BLK: variants seen among roughly 807,000 people sequenced by gnomAD.
BLK encodes the protein BLK proto-oncogene, Src family tyrosine kinase.
A neutral mutation model predicts 61.8 loss-of-function variants in BLK; 64 were observed. The ratio of observed to expected loss-of-function variants is 1.03; its 90% CI spans 0.85 to 1.27. BLK has a LOEUF of 1.27. BLK is among the 50% of genes most tolerant of loss of function. The pLI, the probability that BLK is intolerant of heterozygous loss-of-function variation, is 0.00. For synonymous variants in BLK, 351 were observed against 272.0 expected, an observed-to-expected ratio of 1.29 and a Z score of -2.86; for missense variants, 853 against 660.5, an observed-to-expected ratio of 1.29 and a Z score of -3.19.
chr8:11,530,193 C>A, intron 1 of BLK, among the ~76,000 whole-genome samples: 1 of 152,114 alleles, frequency 6.6e-6, no homozygotes, highest in East Asian at 1.9e-4. Context: ...TAAGGAATCT[C>A]AGATTAGACC....
chr8:11,556,366 G>A (rs1801223216), intron 8 of BLK: 1 of 463,268 alleles, frequency 2.2e-6, no homozygotes, highest in African/African-American at 2.0e-5. Flanking sequence ...GGGAGGGGTG[G>A]GGGAAGGACA....
chr8:11,539,645 A>G (rs149795720), intron 1 of BLK, among the ~76,000 whole-genome samples: 1 of 152,318 alleles, frequency 6.6e-6, no homozygotes, highest in East Asian at 1.9e-4. Context: ...TGCTTCTTCC[A>G]ATAATATTTC....
chr8:11,563,960 C>A lies in BLK; in HGVS notation c.1370C>A (p.Pro457His). 1 of 1,606,818 alleles carries A rather than the reference C, an allele frequency of 6.2e-7. No homozygotes were observed. ...GAGCGCGGCTACCGCATGCCGCGCCCCGACACCTGCCCGCCCGAGCTGTAC... is the reference window on the plus strand; with the variant it reads ...GAGCGCGGCTACCGCATGCCGCGCCACGACACCTGCCCGCCCGAGCTGTAC... ...NLERGYRMPRPDTCPPELYRG... is the reference protein window; with the variant it reads ...NLERGYRMPRHDTCPPELYRG... Residue 457 changes from proline (P) to histidine (H), a missense_variant, in exon 13 of 13, where the codon CCC becomes CAC. Coordinates refer to ENST00000259089, the MANE Select transcript of BLK (RefSeq NM_001715.3).
intron 1 of BLK, among the ~76,000 whole-genome samples, chr8:11,495,852 T>A (rs2117222085): frequency 6.6e-6 from 1 of 152,304 alleles, no homozygotes; most frequent in Non-Finnish European, 1.5e-5. Context: ...TGTACCATGG[T>A]TACGTAAGGT....
At chr8:11,508,199 T>C (rs1302387718) in intron 1 of BLK, among the ~76,000 whole-genome samples, 3 of 152,172 alleles carry the variant, frequency 2.0e-5, no homozygotes, top group South Asian at 2.1e-4. Context: ...AACCACCGCC[T>C]CTGCCACTAC....
At chr8:11,497,090 G>T (rs1013780249) in intron 1 of BLK, among the ~76,000 whole-genome samples, 1 of 152,114 alleles carries the variant, frequency 6.6e-6, no homozygotes, top group Non-Finnish European at 1.5e-5. Context: ...GTGATGCTGC[G>T]CCTGATTAGA....
chr8:11,548,966 C>T, intron 4 of BLK, 58 bp from the exon 5 acceptor site: 2 of 1,465,960 alleles, frequency 1.4e-6, no homozygotes. Context: ...CTGAGAGCTG[C>T]CCAGTGACGG....
At chr8:11,543,479 G>T in intron 2 of BLK, 132 bp downstream of exon 2, 2 of 1,300,422 alleles carry the variant, frequency 1.5e-6, no homozygotes, top group South Asian at 2.7e-5. Context: ...GTATAAGCAG[G>T]TGTGCCATGC....
Position 11,564,476 on chromosome 8 carries a change from G to A in BLK, c.*368G>A, listed in dbSNP as rs571672600. On this transcript the variant is annotated 3_prime_UTR_variant, in exon 13 of 13. Transcript: ENST00000259089. ...GCGTCCCCGCCTCTGCGCCCTGCGTGGACCCCGCCCTGCCCCGCTACAGAA... is the reference window on the plus strand; with the variant it reads ...GCGTCCCCGCCTCTGCGCCCTGCGTAGACCCCGCCCTGCCCCGCTACAGAA... 3 of 530,652 alleles carry A rather than the reference G, an allele frequency of 5.7e-6. No homozygotes were observed. Among genetic ancestry groups the A allele is most frequent in the Admixed American group, 2.2e-5 (1 of 44,512 alleles). The allele number at this position is 530,652 out of a possible 1,614,324, so 32.9% of individuals were successfully genotyped here.
At chr8:11,520,372 G>C (rs1252847553) in intron 1 of BLK, among the ~76,000 whole-genome samples, 1 of 150,614 alleles carries the variant, frequency 6.6e-6, no homozygotes, top group Non-Finnish European at 1.5e-5. Flanking sequence ...AGCTACTTGG[G>C]AGGTTGAGGT....
At chr8:11,507,417 G>C (rs1299072205) in intron 1 of BLK, among the ~76,000 whole-genome samples, 1 of 152,228 alleles carries the variant, frequency 6.6e-6, no homozygotes, top group Non-Finnish European at 1.5e-5. Flanking sequence ...CCCAGGGGAC[G>C]GGCCTGTCAT....
chr8:11,525,347 C>G (rs1305105759), intron 1 of BLK, among the ~76,000 whole-genome samples: 1 of 152,170 alleles, frequency 6.6e-6, no homozygotes, highest in Non-Finnish European at 1.5e-5. Flanking sequence ...GAATTTCAGT[C>G]CCCAGAAGTC....
intron 2 of BLK, among the ~76,000 whole-genome samples, chr8:11,545,107 C>T (rs7017990): frequency 2.4e-4 from 36 of 152,314 alleles, no homozygotes; most frequent in African/African-American, 7.7e-4. Context: ...AGCGCATATG[C>T]TTCTGAGACT....
At chr8:11,548,206 C>T (rs1282906103) in intron 4 of BLK, 81 bp downstream of exon 4, 4 of 1,223,674 alleles carry the variant, frequency 3.3e-6, no homozygotes, top group Non-Finnish European at 4.8e-6. Flanking sequence ...ACCACATCCT[C>T]CATGGCTGAC....
chr8:11,533,865 A>G (rs868748352), intron 1 of BLK, among the ~76,000 whole-genome samples: 1 of 152,278 alleles, frequency 6.6e-6, no homozygotes, highest in African/African-American at 2.4e-5. Flanking sequence ...GAAATAATTC[A>G]TTTCATGGAG....
intron 10 of BLK, chr8:11,560,809 T>A (rs1425552208): frequency 2.2e-6 from 1 of 455,804 alleles, no homozygotes; most frequent in South Asian, 1.5e-5. Context: ...TCCCTCATGT[T>A]CCATGTCAGG....
intron 1 of BLK, among the ~76,000 whole-genome samples, chr8:11,519,102 T>C (rs1030062653): frequency 7.2e-5 from 11 of 152,206 alleles, no homozygotes; most frequent in Non-Finnish European, 1.5e-4. Context: ...CCTCCCTGCA[T>C]CAACTAGAAT....
At chr8:11,561,114 C>T (rs1176266545) in intron 10 of BLK, 188 bp from the exon 11 acceptor site, 11 of 813,168 alleles carry the variant, frequency 1.4e-5, no homozygotes, top group Middle Eastern at 2.2e-4. Flanking sequence ...CACGTTGCTG[C>T]GTTGCTGTTC....
rs75850395 is a variant in BLK, at chr8:11,557,620, G to T, written c.953-342G>T. Among the ~76,000 whole-genome samples, 570 of 152,244 alleles carry T rather than the reference G, an allele frequency of 3.7e-3. 3 individuals are homozygous for T. The highest frequency in any genetic ancestry group is 0.013 in the African/African-American group (558 of 41,554). On this transcript the variant is annotated intron_variant, in intron 9 of 12. Coordinates refer to ENST00000259089, the MANE Select transcript of BLK (RefSeq NM_001715.3). ...GGGATCAAGGGAGCGAGGCCAACAC[G>T]GGGGGAAAGACAAGAAGGGGCATGA...
Sources: gnomAD v4.1 joint callset for allele counts (sites outside exome capture counted in the v4.1 genomes callset) on GRCh38, gnomAD v4.1.1 for gene constraint, MANE v1.5 for transcripts, NCBI Gene and HGNC (gene_info 2026-07-23, HGNC 2026-07-21) for gene names.